Variants in UGT1A6 observed in about 807,000 individuals in gnomAD.
The protein encoded by UGT1A6 is UDP glucuronosyltransferase family 1 member A6.
UGT1A6 carries 32 observed loss-of-function variants against 44.4 expected under a neutral mutation model. That is an observed-to-expected ratio of 0.72 (90% CI 0.54 to 0.97). The LOEUF is 0.97. Ranked by LOEUF, UGT1A6 falls within the 50% of genes least tolerant of loss-of-function variation. UGT1A6 has a pLI of 0.00. For missense variants in UGT1A6, 685 were observed against 661.9 expected (o/e 1.03, Z -0.38); for synonymous variants, 238 against 248.5 (o/e 0.96, Z 0.40).
intron 1 of UGT1A6, among the ~76,000 whole-genome samples, chr2:233,716,394 G>A (rs2076503036): frequency 1.3e-5 from 2 of 152,226 alleles, no homozygotes; most frequent in Admixed American, 6.5e-5. Context: ...CAGACACTAA[G>A]CTTAAAGTGA....
At chr2:233,767,732 C>T (rs1041419428) in intron 2 of UGT1A6, 117 bp from the exon 3 acceptor site, 2 of 1,564,690 alleles carry the variant, frequency 1.3e-6, no homozygotes, top group Admixed American at 1.9e-5. Flanking sequence ...ACTGATCCTC[C>T]CACTCTGTTA....
chr2:233,725,380 C>A (rs2077441850), intron 1 of UGT1A6, among the ~76,000 whole-genome samples: 1 of 149,278 alleles, frequency 6.7e-6, no homozygotes, highest in East Asian at 1.9e-4. Context: ...TTAAAAAATT[C>A]TTAATAGGTT....
At chr2:233,752,742 C>T (rs1695047003) in intron 1 of UGT1A6, among the ~76,000 whole-genome samples, 1 of 152,068 alleles carries the variant, frequency 6.6e-6, no homozygotes, top group South Asian at 2.1e-4. Flanking sequence ...GAGACCCTGT[C>T]TCTAAAACAA....
At chr2:233,694,193 C>A (rs923236603) in intron 1 of UGT1A6, among the ~76,000 whole-genome samples, 1 of 152,120 alleles carries the variant, frequency 6.6e-6, no homozygotes, top group Non-Finnish European at 1.5e-5. Flanking sequence ...GGAACAGGTC[C>A]AGGTTAAAAT....
At chr2:233,743,483 T>A in intron 1 of UGT1A6, 1 of 1,367,128 alleles carries the variant, frequency 7.3e-7, no homozygotes, top group Non-Finnish European at 9.8e-7. Flanking sequence ...GGAAATTCAC[T>A]GAAGGCAGAG....
chr2:233,748,333 G>A (rs1453810710), intron 1 of UGT1A6, among the ~76,000 whole-genome samples: 2 of 151,780 alleles, frequency 1.3e-5, no homozygotes, highest in Non-Finnish European at 2.9e-5. Flanking sequence ...GTGACTCATG[G>A]AGACTGTTCG....
At chr2:233,713,517 A>G (rs191789950) in intron 1 of UGT1A6, 2 of 1,613,958 alleles carry the variant, frequency 1.2e-6, no homozygotes, top group Non-Finnish European at 1.7e-6. Context: ...CTTGAGGAAC[A>G]TTCCATGTGA....
chr2:233,763,526 C>T (rs17864704), intron 1 of UGT1A6, among the ~76,000 whole-genome samples: 1 of 152,330 alleles, frequency 6.6e-6, no homozygotes, highest in Non-Finnish European at 1.5e-5. Flanking sequence ...TTGCCATTCT[C>T]CTTTTTCCGG....
chr2:233,768,499 A>G (rs528932470), intron 4 of UGT1A6, 60 bp downstream of exon 4: 7 of 1,570,454 alleles, frequency 4.5e-6, no homozygotes, highest in Non-Finnish European at 6.1e-6. Flanking sequence ...AATTGTTTCA[A>G]ATATGAAAAC....
chr2:233,733,853 T>C (rs2078444746), intron 1 of UGT1A6, among the ~76,000 whole-genome samples: 1 of 152,132 alleles, frequency 6.6e-6, no homozygotes, highest in South Asian at 2.1e-4. Flanking sequence ...TCTTTTTCTA[T>C]TGATTGGAAT....
intron 1 of UGT1A6, among the ~76,000 whole-genome samples, chr2:233,765,843 C>G (rs546022798): frequency 2.0e-4 from 31 of 152,086 alleles, no homozygotes; most frequent in African/African-American, 7.2e-4. Context: ...TTTCCTTGTC[C>G]CCCTCACAGA....
At chr2:233,746,859 G>T (rs1300459019) in intron 1 of UGT1A6, among the ~76,000 whole-genome samples, 1 of 151,794 alleles carries the variant, frequency 6.6e-6, no homozygotes, top group South Asian at 2.1e-4. Context: ...CTCAGCTGCA[G>T]CCTGATAAAC....
chr2:233,729,658 T>C (rs375249430), intron 1 of UGT1A6: 278 of 1,613,792 alleles, frequency 1.7e-4, no homozygotes, highest in Non-Finnish European at 2.3e-4. Flanking sequence ...GAACATTCCA[T>C]GTGATTTAGA....
At chr2:233,726,279 G>C (rs566930046) in intron 1 of UGT1A6, among the ~76,000 whole-genome samples, 9 of 152,210 alleles carry the variant, frequency 5.9e-5, no homozygotes, top group Non-Finnish European at 1.2e-4. Flanking sequence ...TATGGTCCCA[G>C]GTACTTGGGA....
intron 1 of UGT1A6, among the ~76,000 whole-genome samples, chr2:233,704,144 G>T (rs2075769955): frequency 6.6e-6 from 1 of 151,886 alleles, no homozygotes; most frequent in Admixed American, 6.6e-5. Context: ...ACCCGCCTCA[G>T]CCTTTCAAAG....
intron 1 of UGT1A6, chr2:233,743,979 A>C (rs1692622611): frequency 3.1e-6 from 4 of 1,306,002 alleles, no homozygotes; most frequent in African/African-American, 1.5e-5. Flanking sequence ...GCCAGCACCC[A>C]GGCGCAGGCC....
chr2:233,710,187 G>T (rs760238092), intron 1 of UGT1A6, among the ~76,000 whole-genome samples: 10 of 152,152 alleles, frequency 6.6e-5, no homozygotes, highest in Non-Finnish European at 1.3e-4. Flanking sequence ...TGGACATGTG[G>T]ATAGTTTCCA....
intron 1 of UGT1A6, among the ~76,000 whole-genome samples, chr2:233,710,475 A>T (rs1055676950): frequency 6.6e-6 from 1 of 152,328 alleles, no homozygotes; most frequent in African/African-American, 2.4e-5. Context: ...TGTGTAGTAG[A>T]ATTTCATTGG....
At chr2:233,713,352 T>C in intron 1 of UGT1A6, 2 of 1,614,192 alleles carry the variant, frequency 1.2e-6, no homozygotes, top group Non-Finnish European at 1.7e-6. Context: ...GAACAATATG[T>C]CTTTGATCAT....
Sources: allele counts gnomAD v4.1 joint callset (sites outside exome capture counted in the v4.1 genomes callset), GRCh38; gene constraint gnomAD v4.1.1; transcripts MANE v1.5; gene names NCBI Gene and HGNC (gene_info 2026-07-23, HGNC 2026-07-21).